VWA8: variants seen among roughly 807,000 people sequenced by gnomAD.
VWA8 encodes von Willebrand factor A domain-containing protein 8.
In VWA8, 221 loss-of-function variants were observed where a neutral mutation model predicts 241.5. That is an observed-to-expected ratio of 0.91 (90% CI 0.82 to 1.02). VWA8 has a LOEUF of 1.02. Among genes scored for constraint, VWA8 ranks in the 50% least tolerant of loss-of-function variants. VWA8 has a pLI of 0.00. For synonymous variants in VWA8, 852 were observed against 827.1 expected (o/e 1.03, Z -0.52); for missense variants, 2,322 against 2,328.7 (o/e 1.00, Z 0.06).
At chr13:41,688,599 T>C (rs115873836) in intron 34 of VWA8, among the ~76,000 whole-genome samples, 1 of 152,234 alleles carries the variant, frequency 6.6e-6, no homozygotes, top group African/African-American at 2.4e-5. Flanking sequence ...CATTATACTA[T>C]AACCTGGATG....
intron 20 of VWA8, among the ~76,000 whole-genome samples, chr13:41,762,030 T>C (rs1447343183): frequency 1.3e-5 from 2 of 152,076 alleles, no homozygotes; most frequent in African/African-American, 4.8e-5. Flanking sequence ...GGGTTGAGCA[T>C]CCCTAATCCA....
chr13:41,913,459 C>T (rs9532945), intron 2 of VWA8, among the ~76,000 whole-genome samples: 52,396 of 151,958 alleles, frequency 0.34, 9,257 homozygotes, highest in East Asian at 0.43. Flanking sequence ...AAATATTCCA[C>T]ACGTGCTAAA....
At chr13:41,644,101 A>G (rs1273771802) in intron 37 of VWA8, among the ~76,000 whole-genome samples, 1 of 152,128 alleles carries the variant, frequency 6.6e-6, no homozygotes, top group Non-Finnish European at 1.5e-5. Context: ...CAATTTTAGC[A>G]TGGTAGCTGA....
intron 2 of VWA8, among the ~76,000 whole-genome samples, chr13:41,921,139 A>T (rs1050789935): frequency 1.1e-4 from 17 of 152,228 alleles, no homozygotes; most frequent in Non-Finnish European, 2.2e-4. Flanking sequence ...AACATATGCA[A>T]ATCAATAAAC....
chr13:41,891,110 A>AG (rs1268848791), intron 5 of VWA8, among the ~76,000 whole-genome samples: 1 of 151,894 alleles, frequency 6.6e-6, no homozygotes, highest in Admixed American at 6.6e-5. Flanking sequence ...AGAGAAAGAA[A>AG]GGGGGGAAAA....
At chr13:41,920,645 A>G (rs534391901) in intron 2 of VWA8, among the ~76,000 whole-genome samples, 1 of 152,348 alleles carries the variant, frequency 6.6e-6, no homozygotes, top group Admixed American at 6.5e-5. Flanking sequence ...CTACCATGAG[A>G]GAATACTATA....
chr13:41,742,916 C>A (rs769403283), intron 21 of VWA8, among the ~76,000 whole-genome samples: 1 of 152,164 alleles, frequency 6.6e-6, no homozygotes, highest in Non-Finnish European at 1.5e-5. Flanking sequence ...GAATCAACAT[C>A]TGCTTGTGGA....
At chr13:41,716,169 C>T (rs992932523) in intron 26 of VWA8, among the ~76,000 whole-genome samples, 3 of 151,826 alleles carry the variant, frequency 2.0e-5, no homozygotes, top group African/African-American at 7.3e-5. Flanking sequence ...GATCCTGGTA[C>T]TAAGGTCTGG....
chr13:41,888,703 G>A (rs545182460), intron 5 of VWA8, among the ~76,000 whole-genome samples: 1 of 152,018 alleles, frequency 6.6e-6, no homozygotes, highest in Non-Finnish European at 1.5e-5. Flanking sequence ...ATTTATTTGT[G>A]CATTTGCTTC....
intron 17 of VWA8, among the ~76,000 whole-genome samples, chr13:41,802,548 T>C (rs1168779281): frequency 6.6e-6 from 1 of 152,068 alleles, no homozygotes; most frequent in Non-Finnish European, 1.5e-5. Flanking sequence ...CTTCCTCAAC[T>C]CCAGGCAGCA....
At chr13:41,825,323 C>G (rs1432462286) in intron 14 of VWA8, among the ~76,000 whole-genome samples, 2 of 152,260 alleles carry the variant, frequency 1.3e-5, no homozygotes, top group Non-Finnish European at 1.5e-5. Context: ...CATCTGGGTA[C>G]TATTCTGGGA....
intron 19 of VWA8, among the ~76,000 whole-genome samples, chr13:41,782,347 TTCTTTGTC>T (rs946513082): frequency 1.5e-3 from 230 of 152,314 alleles, no homozygotes; most frequent in African/African-American, 5.1e-3. Flanking sequence ...TTGTCTTTTG[TTCTTTGTC>T]TCTTTGTCTC....
chr13:41,638,593 T>A (rs2044774568), intron 37 of VWA8, among the ~76,000 whole-genome samples: 1 of 151,926 alleles, frequency 6.6e-6, no homozygotes, highest in South Asian at 2.1e-4. Flanking sequence ...CTAAATAAGA[T>A]GATGAGTGAA....
intron 2 of VWA8, among the ~76,000 whole-genome samples, chr13:41,949,031 T>TAAAAAAAAAAAAAAAAAAAAAAAAAAA (rs35506856): frequency 1.6e-5 from 1 of 63,390 alleles, no homozygotes; most frequent in Non-Finnish European, 2.9e-5. Flanking sequence ...TCTACCATCA[T>TAAAAAAAAAAAAAAAAAAAAAAAAAAA]AAAAAAAAAA....
chr13:41,935,553 A>G (rs1877308386), intron 2 of VWA8, among the ~76,000 whole-genome samples: 1 of 152,122 alleles, frequency 6.6e-6, no homozygotes, highest in Admixed American at 6.5e-5. Flanking sequence ...GCTATTTTAA[A>G]AATTACAAAT....
At chr13:41,882,950 CTATT>C (rs1380352025) in intron 9 of VWA8, among the ~76,000 whole-genome samples, 1 of 151,714 alleles carries the variant, frequency 6.6e-6, no homozygotes, top group Non-Finnish European at 1.5e-5. Flanking sequence ...CTATCTCTAT[CTATT>C]TGTTCATATA....
At chr13:41,699,388 A>G in intron 28 of VWA8, 118 bp from the exon 29 acceptor site, 1 of 932,452 alleles carries the variant, frequency 1.1e-6, no homozygotes, top group Non-Finnish European at 1.7e-6. Context: ...AACTCAGCAG[A>G]TGATTTGTAT....
At chr13:41,877,077 G>A (rs961344671) in intron 9 of VWA8, among the ~76,000 whole-genome samples, 1 of 151,960 alleles carries the variant, frequency 6.6e-6, no homozygotes, top group South Asian at 2.1e-4. Flanking sequence ...AAGTCTGCTA[G>A]ATAAAACCAC....
At chr13:41,914,381 G>C (rs1251005701) in intron 2 of VWA8, among the ~76,000 whole-genome samples, 2 of 152,270 alleles carry the variant, frequency 1.3e-5, no homozygotes, top group East Asian at 3.9e-4. Context: ...ATGCTAGCAT[G>C]CAACTGGCCT....
Sources: allele counts gnomAD v4.1 joint callset (sites outside exome capture counted in the v4.1 genomes callset), GRCh38; gene constraint gnomAD v4.1.1; transcripts MANE v1.5; gene names NCBI Gene and HGNC (gene_info 2026-07-23, HGNC 2026-07-21).